MAX: variants seen among roughly 807,000 people sequenced by gnomAD.
MAX encodes the protein protein max.
MAX carries 3 observed loss-of-function variants against 22.3 expected under a neutral mutation model. That is an observed-to-expected ratio of 0.13 (90% CI 0.06 to 0.35). The LOEUF is 0.35. Among genes scored for constraint, MAX ranks in the 10% least tolerant of loss-of-function variants. MAX has a pLI of 1.00. For synonymous variants in MAX, 72 were observed against 77.7 expected, an observed-to-expected ratio of 0.93 and a Z score of 0.39; for missense variants, 119 against 209.4, an observed-to-expected ratio of 0.57 and a Z score of 2.66.
In MAX at chr14:65,037,677, G is replaced by A. The variant is rs75237366; in HGVS notation, c.172-31393C>T. Reference sequence around the variant, plus strand: ...TGGGCTGACGTAATCCTCCTGCTGCGGCTTCCCCAAGTGCTGGGATTACAG... The same window carrying A: ...TGGGCTGACGTAATCCTCCTGCTGCAGCTTCCCCAAGTGCTGGGATTACAG... On this transcript the variant is annotated intron_variant, in intron 3 of 3. Transcript: ENST00000341653. Among the ~76,000 whole-genome samples, 627 of 149,154 alleles carry A rather than the reference G, an allele frequency of 4.2e-3. 9 individuals are homozygous for A. Among genetic ancestry groups the A allele is most frequent in the East Asian group, 0.04 (205 of 5,142 alleles).
intron 3 of MAX, chr14:65,021,942 G>A (rs758495884): frequency 7.0e-5 from 32 of 456,012 alleles, no homozygotes; most frequent in African/African-American, 3.6e-4. Context: ...CACTGCGCCC[G>A]GCCTATAGTA....
rs983039906 is a variant in MAX, at chr14:65,102,437, C to CCA, written c.-100_-99dup. On this transcript the variant is annotated 5_prime_UTR_variant, in exon 1 of 5. Transcript: ENST00000358664. Reference sequence around the variant, plus strand: ...CCGACAACAACAAGCCGAGTCCCCCCCACACACACACTCACTCACTCACTC... The same window carrying CCA: ...CCGACAACAACAAGCCGAGTCCCCCCCACACACACACACTCACTCACTCACTC... The CCA allele has an allele frequency of 1.2e-5, 18 of 1,551,712 alleles. No individual in the cohort carries two copies. The highest frequency in any genetic ancestry group is 9.7e-5 in the East Asian group (4 of 41,054).
At chr14:65,048,438 T>G (rs765693537) in intron 3 of MAX, among the ~76,000 whole-genome samples, 1 of 152,194 alleles carries the variant, frequency 6.6e-6, no homozygotes, top group East Asian at 1.9e-4. Flanking sequence ...ATGCTCTACA[T>G]AGTGCAGCAC....
intron 3 of MAX, among the ~76,000 whole-genome samples, chr14:65,043,668 A>G (rs12587257): frequency 0.56 from 82,696 of 148,208 alleles, 23,464 homozygotes; most frequent in African/African-American, 0.69. Context: ...TAAAAATACA[A>G]AAAATTAGCC....
intron 2 of MAX, among the ~76,000 whole-genome samples, chr14:65,101,094 T>C (rs1391619516): frequency 1.3e-5 from 2 of 152,250 alleles, no homozygotes; most frequent in Non-Finnish European, 2.9e-5. Flanking sequence ...TACGGGTCTA[T>C]AGCAGTCACA....
Position 65,010,274 on chromosome 14 carries a change from C to T in MAX, c.172-3990G>A, listed in dbSNP as rs148050686. Reference sequence around the variant, plus strand: ...TCCAAACCCTTAGAGATGGGTCTTCCCACAGTTTTGTTTCCAAACTTCTCT... The same window carrying T: ...TCCAAACCCTTAGAGATGGGTCTTCTCACAGTTTTGTTTCCAAACTTCTCT... On this transcript the variant is annotated intron_variant, in intron 3 of 3. Coordinates refer to the MAX transcript ENST00000341653. Among the ~76,000 whole-genome samples, 5 of 152,352 alleles carry T rather than the reference C, an allele frequency of 3.3e-5. No homozygotes were observed. The East Asian group carries it at 5.8e-4, about 18-fold the overall frequency.
rs12101257 is a variant in MAX at position 65,079,222 on chromosome 14, A to G, written c.172-1186T>C. The stretch of plus-strand genomic sequence containing the variant: ...CACTGTTAACTATTCCGAACTGAAC[A>G]ATGCTGCTGTGTCACTACTTCAGCC... On this transcript the variant is annotated intron_variant, in intron 3 of 4. Coordinates refer to ENST00000358664, the MANE Select transcript of MAX (RefSeq NM_002382.5). The surrounding 1 kb of genome is among the most constrained non-coding windows in gnomAD (Gnocchi z 4.5). Among the ~76,000 whole-genome samples the G allele has an allele frequency of 0.1, 15,608 of 152,212 alleles. 1,466 individuals carry two copies. Among genetic ancestry groups the G allele is most frequent in the African/African-American group, 0.24 (9,892 of 41,490 alleles).
At chr14:65,015,598 A>T in intron 3 of MAX, 1 of 1,612,086 alleles carries the variant, frequency 6.2e-7, no homozygotes, top group Non-Finnish European at 8.5e-7. Flanking sequence ...TGAATAAGGG[A>T]TGTTTTCTCT....
In MAX at chr14:65,054,778, T is replaced by A; in HGVS notation, c.171+38930A>T. The stretch of plus-strand genomic sequence containing the variant: ...AAGTAAGCAGAACTGGCTCTGCATT[T>A]CCTGTGTGGACAGGCGGAAGCTTGT... On this transcript the variant is annotated intron_variant, in intron 3 of 3. Transcript: ENST00000341653. The surrounding 1 kb of genome is among the most constrained non-coding windows in gnomAD (Gnocchi z 4.4). The A allele has an allele frequency of 1.4e-6, 2 of 1,390,628 alleles. No homozygotes were observed. The highest frequency in any genetic ancestry group is 2.0e-6 in the Non-Finnish European group (2 of 1,011,400). 86.1% of individuals were successfully genotyped at this position (1,390,628 alleles called of 1,614,324 possible).
chr14:65,007,054 A>C lies in MAX; in HGVS notation c.172-770T>G, dbSNP rs983728179. Among the ~76,000 whole-genome samples, 1 of 152,228 alleles carries C rather than the reference A, an allele frequency of 6.6e-6. No individual in the cohort carries two copies. Among genetic ancestry groups the C allele is most frequent in the African/African-American group, 2.4e-5 (1 of 41,458 alleles). On this transcript the variant is annotated intron_variant, in intron 3 of 3. Transcript: ENST00000341653. The surrounding 1 kb of genome is among the most constrained non-coding windows in gnomAD (Gnocchi z 4.9). ...TTACCCGTTTTTATCATTGTTGCCT[A>C]TGAAATTGAGTGTTTTAAAGGATGC... is the stretch of plus-strand genomic sequence containing the variant.
At chr14:65,092,988 G>C (rs192260965) in intron 3 of MAX, among the ~76,000 whole-genome samples, 3 of 152,342 alleles carry the variant, frequency 2.0e-5, no homozygotes, top group Admixed American at 2.0e-4. Flanking sequence ...TAGCCATGCA[G>C]ATGTTTTCTC....
At position 65,031,874 on chromosome 14, in the gene MAX, T is replaced by TCATAC. The variant is rs2062091764; in HGVS notation, c.172-25595_172-25591dup. On this transcript the variant is annotated intron_variant, in intron 3 of 3. Transcript: ENST00000341653. This position sits in a 1 kb window ranked among gnomAD's most constrained non-coding sequence, Gnocchi z 4.6. The stretch of plus-strand genomic sequence containing the variant: ...AGGCGGAGGTTGCAGTGAGCTGAGA[T>TCATAC]CATACCACTGCACTCTAGCCTGGGC... 6.6e-6 allele frequency among the ~76,000 whole-genome samples: 1 copy of TCATAC among 152,110 alleles called. No homozygotes were observed. The highest frequency in any genetic ancestry group is 2.4e-5 in the African/African-American group (1 of 41,526).
intron 3 of MAX, among the ~76,000 whole-genome samples, chr14:65,089,722 TTAAA>T (rs2063443556): frequency 8.8e-6 from 1 of 113,174 alleles, no homozygotes; most frequent in African/African-American, 3.4e-5. Flanking sequence ...GCAAGGACAC[TTAAA>T]TAATACTTTC....
In MAX at chr14:65,031,705, G is replaced by C. The variant is rs2062088768; in HGVS notation, c.172-25421C>G. On this transcript the variant is annotated intron_variant, in intron 3 of 3. Transcript: ENST00000341653. The surrounding 1 kb of genome is among the most constrained non-coding windows in gnomAD (Gnocchi z 4.6). The stretch of plus-strand genomic sequence containing the variant: ...GGAGGCCAAGGCAGGTGGATTGCTT[G>C]AGGTCAGGAGTTTGAAACCAGCCTA... Among the ~76,000 whole-genome samples, 1 of 152,138 alleles carries C rather than the reference G, an allele frequency of 6.6e-6. No individual in the cohort carries two copies. The highest frequency in any genetic ancestry group is 2.1e-4 in the South Asian group (1 of 4,828).
At chr14:65,095,019 C>T (rs1360428455) in intron 2 of MAX, among the ~76,000 whole-genome samples, 4 of 152,214 alleles carry the variant, frequency 2.6e-5, no homozygotes, top group Admixed American at 1.3e-4. Context: ...AAGAATAATG[C>T]TGCCTCACAT....
chr14:65,058,046 G>A (rs2062778182), intron 3 of MAX, among the ~76,000 whole-genome samples: 1 of 151,674 alleles, frequency 6.6e-6, no homozygotes, highest in South Asian at 2.1e-4. Flanking sequence ...GGATCAGCCT[G>A]TCAAGTTCTA....
At chr14:65,068,420 G>A (rs976991433) in intron 3 of MAX, among the ~76,000 whole-genome samples, 10 of 152,198 alleles carry the variant, frequency 6.6e-5, no homozygotes, top group African/African-American at 1.7e-4. Context: ...GGGCGACAGC[G>A]TGAGACTCTG....
chr14:65,012,258 G>A lies in MAX; in HGVS notation c.172-5974C>T, dbSNP rs558211780. The A allele has an allele frequency of 3.7e-5, 59 of 1,597,958 alleles. No homozygotes were observed. The East Asian group carries it at 5.6e-4, about 15-fold the overall frequency. On this transcript the variant is annotated intron_variant, in intron 3 of 3. Transcript: ENST00000341653. The surrounding 1 kb of genome is among the most constrained non-coding windows in gnomAD (Gnocchi z 5.0). Reference sequence around the variant, plus strand: ...CCCGTGTGTGTGTACGTGCACATACGTGTGTATGGTGGAAGCATAAGCTAT... The same window carrying A: ...CCCGTGTGTGTGTACGTGCACATACATGTGTATGGTGGAAGCATAAGCTAT...
At chr14:65,064,487 G>C (rs2062911234) in intron 3 of MAX, among the ~76,000 whole-genome samples, 1 of 152,172 alleles carries the variant, frequency 6.6e-6, no homozygotes, top group Non-Finnish European at 1.5e-5. Flanking sequence ...CCATGGGGTT[G>C]TAAAATGGCA....
Sources: gnomAD v4.1 joint callset for allele counts (sites outside exome capture counted in the v4.1 genomes callset) on GRCh38, gnomAD v4.1.1 for gene constraint, Gnocchi (gnomAD v3.1) non-coding constraint, MANE v1.5 for transcripts, NCBI Gene and HGNC (gene_info 2026-07-23, HGNC 2026-07-21) for gene names.